Variants in FAF2 observed in about 807,000 individuals in gnomAD.
FAF2 encodes FAS-associated factor 2.
Under a neutral mutation model 62.3 loss-of-function variants are expected in FAF2, and 9 were observed. The observed-to-expected ratio is 0.14, with a 90% CI of 0.09 to 0.25. The LOEUF is 0.25. Ranked by LOEUF, FAF2 falls within the 10% of genes least tolerant of loss-of-function variation. The pLI is 1.00. For synonymous variants in FAF2, 202 were observed against 198.0 expected (o/e 1.02, Z -0.17); for missense variants, 368 against 556.2 (o/e 0.66, Z 3.40).
intron 1 of FAF2, among the ~76,000 whole-genome samples, chr5:176,458,461 G>C (rs1259004269): frequency 8.4e-6 from 1 of 118,660 alleles, no homozygotes; most frequent in Non-Finnish European, 1.6e-5. Context: ...CCACGCTGGA[G>C]TGCGGTGGCT....
In FAF2 at chr5:176,503,781, A is replaced by G. The variant is rs1036015305; in HGVS notation, c.1156-2987A>G. Among the ~76,000 whole-genome samples, 4 of 152,306 alleles carry G rather than the reference A, an allele frequency of 2.6e-5. No individual in the cohort carries two copies. In the East Asian group the frequency reaches 7.7e-4, roughly 29 times the overall value. On this transcript the variant is annotated intron_variant, in intron 10 of 10. Coordinates refer to ENST00000261942, the MANE Select transcript of FAF2 (RefSeq NM_014613.3). The stretch of plus-strand genomic sequence containing the variant: ...TGTATAAGAGATAAAGCCCAGAACT[A>G]ATTTTTCTGTCCATTGCAAACCAAA...
intron 2 of FAF2, among the ~76,000 whole-genome samples, chr5:176,485,090 AT>A (rs529040539): frequency 1.3e-3 from 194 of 152,318 alleles, no homozygotes; most frequent in Non-Finnish European, 2.2e-3. Context: ...TGGAAAAGGC[AT>A]TTTTTGAGTG....
intron 2 of FAF2, among the ~76,000 whole-genome samples, chr5:176,482,417 T>C (rs1758797496): frequency 6.6e-6 from 1 of 152,178 alleles, no homozygotes; most frequent in Non-Finnish European, 1.5e-5. Context: ...TTCTCCATGT[T>C]GGCCAGGCTG....
In FAF2 at chr5:176,508,577, T is replaced by C. The variant is rs149772965; in HGVS notation, c.*1627T>C. 15 of 152,338 alleles carry C rather than the reference T, an allele frequency of 9.8e-5. No homozygotes were observed. In the East Asian group the frequency reaches 2.3e-3, roughly 24 times the overall value. 9.4% of individuals were successfully genotyped at this position (152,338 alleles called of 1,614,324 possible). ...AGTAAGGCACCCCACAGAAATTAAC[T>C]TGGAGAGCCTGAGAAATTCCCAGTG... On this transcript the variant is annotated 3_prime_UTR_variant, in exon 11 of 11. Coordinates refer to ENST00000261942, the MANE Select transcript of FAF2 (RefSeq NM_014613.3).
At chr5:176,503,386 C>T (rs1342242519) in intron 10 of FAF2, among the ~76,000 whole-genome samples, 1 of 151,962 alleles carries the variant, frequency 6.6e-6, no homozygotes, top group Non-Finnish European at 1.5e-5. Flanking sequence ...GAAACCCCAT[C>T]TCTACTAAAA....
At chr5:176,448,610 G>A in intron 1 of FAF2, 140 bp downstream of exon 1, 2 of 817,490 alleles carry the variant, frequency 2.4e-6, no homozygotes, top group Non-Finnish European at 3.7e-6. Context: ...GACTCCAACT[G>A]CCCTGATTCC....
intron 1 of FAF2, among the ~76,000 whole-genome samples, chr5:176,466,485 G>C (rs566544712): frequency 6.6e-6 from 1 of 152,242 alleles, no homozygotes; most frequent in Non-Finnish European, 1.5e-5. Context: ...AGTATAAACA[G>C]ATGAGATATG....
chr5:176,492,396 C>T lies in FAF2; in HGVS notation c.483+64C>T, dbSNP rs373569681. On this transcript the variant is annotated intron_variant, in intron 5 of 10. Transcript: ENST00000261942. Reference sequence around the variant, plus strand: ...ATGATTCTATCCTCAAAGGAGAGCACAGCCCAGCACTGATCATGTCCTTCT... The same window carrying T: ...ATGATTCTATCCTCAAAGGAGAGCATAGCCCAGCACTGATCATGTCCTTCT... 3.7e-5 allele frequency: 55 copies of T among 1,488,010 alleles called. 1 individual carries two copies. The African/African-American group carries it at 4.4e-4, about 12-fold the overall frequency. The allele number at this position is 1,488,010 out of a possible 1,614,324, so 92.2% of individuals were successfully genotyped here. A position where few individuals can be genotyped will look rare whatever the true frequency, so the allele number is the denominator to read the frequency against.
At chr5:176,453,854 G>A (rs1016228463) in intron 1 of FAF2, among the ~76,000 whole-genome samples, 6 of 151,882 alleles carry the variant, frequency 4.0e-5, no homozygotes, top group African/African-American at 1.5e-4. Context: ...AGGAGTTCAA[G>A]ACCAGCCTAG....
intron 4 of FAF2, among the ~76,000 whole-genome samples, chr5:176,489,807 G>A (rs769995752): frequency 6.6e-6 from 1 of 151,880 alleles, no homozygotes; most frequent in East Asian, 1.9e-4. Flanking sequence ...TTGGCCTCCC[G>A]AAGTGCTGGG....
At position 176,506,827 on chromosome 5, in the gene FAF2, C is replaced by T. The variant is rs1372782097; in HGVS notation, c.1215C>T (p.Ala405=). The T allele has an allele frequency of 6.2e-7, 1 of 1,613,928 alleles. No homozygotes were observed. The change falls in exon 11 of 11, where the codon GCC becomes GCT. Residue 405 remains alanine, a synonymous_variant. Coordinates refer to ENST00000261942, the MANE Select transcript of FAF2 (RefSeq NM_014613.3). ...KESPEKFQIE[A]NFPRRVLPCI... Reference sequence around the variant, plus strand: ...GCCCAGAAAAGTTTCAGATTGAAGCCAATTTTCCCAGGCGAGTGCTGCCCT... The same window carrying T: ...GCCCAGAAAAGTTTCAGATTGAAGCTAATTTTCCCAGGCGAGTGCTGCCCT...
At position 176,467,212 on chromosome 5, in the gene FAF2, C is replaced by T. The variant is rs890871040; in HGVS notation, c.64-11976C>T. Among the ~76,000 whole-genome samples the T allele has an allele frequency of 3.5e-5, 5 of 144,230 alleles. No individual in the cohort carries two copies. In the Admixed American group the frequency reaches 3.6e-4, roughly 10 times the overall value. The allele number at this position is 144,230 out of a possible 152,430, so 94.6% of individuals were successfully genotyped here. ...TATGGTAGCAATTGATGACATTAGA[C>T]ACTCGGCCCTGAAAGATTAGAGAGA... On this transcript the variant is annotated intron_variant, in intron 1 of 10. Coordinates refer to ENST00000261942, the MANE Select transcript of FAF2 (RefSeq NM_014613.3).
At chr5:176,464,344 A>G (rs1758429236) in intron 1 of FAF2, among the ~76,000 whole-genome samples, 2 of 152,212 alleles carry the variant, frequency 1.3e-5, no homozygotes, top group African/African-American at 4.8e-5. Context: ...ATATTTATAC[A>G]GTAAACATCC....
At chr5:176,504,870 A>G (rs1027176869) in intron 10 of FAF2, among the ~76,000 whole-genome samples, 3 of 152,022 alleles carry the variant, frequency 2.0e-5, no homozygotes, top group African/African-American at 7.2e-5. Flanking sequence ...AAAAATTTTA[A>G]AAGTTAACCA....
At chr5:176,451,835 TATATATACACAC>T (rs1345580065) in intron 1 of FAF2, among the ~76,000 whole-genome samples, 2,655 of 45,642 alleles carry the variant, frequency 0.058, 336 homozygotes, top group African/African-American at 0.13. Context: ...TATACATATA[TATATATACACAC>T]ATATATATAC....
At chr5:176,458,160 C>T (rs1366438846) in intron 1 of FAF2, among the ~76,000 whole-genome samples, 1 of 152,202 alleles carries the variant, frequency 6.6e-6, no homozygotes, top group Non-Finnish European at 1.5e-5. Context: ...TGGCTCACTG[C>T]AGCCTCCGCC....
At chr5:176,475,735 G>A (rs887732903) in intron 1 of FAF2, among the ~76,000 whole-genome samples, 27 of 151,472 alleles carry the variant, frequency 1.8e-4, no homozygotes, top group African/African-American at 6.3e-4. Context: ...GCCATTGCAC[G>A]CCAGCCTGGG....
intron 1 of FAF2, among the ~76,000 whole-genome samples, chr5:176,467,280 T>C (rs1000768408): frequency 6.6e-6 from 1 of 152,076 alleles, no homozygotes; most frequent in Non-Finnish European, 1.5e-5. Flanking sequence ...TTGCAGCTAA[T>C]TTGTACAATG....
chr5:176,506,809 A>T lies in FAF2; in HGVS notation c.1197A>T (p.Glu399Asp). The stretch of plus-strand genomic sequence containing the variant: ...TATTCTCCTTGAAGGAAAGCCCAGA[A>T]AAGTTTCAGATTGAAGCCAATTTTC... ...DFLFSLKESP[E>D]KFQIEANFPR... Residue 399 changes from glutamate (E) to aspartate (D), a missense_variant, in exon 11 of 11, where the codon GAA becomes GAT. Physicochemically the swap from Glu to Asp is conservative, Grantham distance 45. This residue lies in a region of FAF2 where 37 missense variants were observed against 114.3 expected (regional missense o/e 0.32). Coordinates refer to ENST00000261942, the MANE Select transcript of FAF2 (RefSeq NM_014613.3). The T allele has an allele frequency of 6.2e-7, 1 of 1,614,016 alleles. No individual in the cohort carries two copies. Among genetic ancestry groups the T allele is most frequent in the African/African-American group, 1.3e-5 (1 of 75,000 alleles).
Sources: gnomAD v4.1 joint callset for allele counts (sites outside exome capture counted in the v4.1 genomes callset) on GRCh38, gnomAD v4.1.1 for gene constraint, gnomAD v4.1.1 regional missense constraint, MANE v1.5 for transcripts, NCBI Gene and HGNC (gene_info 2026-07-23, HGNC 2026-07-21) for gene names.